Variants in CWC27 observed in about 807,000 individuals in gnomAD.
CWC27 encodes spliceosome-associated protein CWC27 homolog.
A neutral mutation model predicts 63.6 loss-of-function variants in CWC27; 47 were observed. The observed-to-expected ratio is 0.74, with a 90% CI of 0.58 to 0.94. The LOEUF (loss-of-function observed/expected upper bound fraction) is 0.94, where lower values mean the gene tolerates loss of function less well. Ranked by LOEUF, CWC27 falls within the 40% of genes least tolerant of loss-of-function variation. The pLI, the probability that CWC27 is intolerant of heterozygous loss-of-function variation, is 0.00. For synonymous variants in CWC27, 175 were observed against 179.8 expected (o/e 0.97, Z 0.22); for missense variants, 495 against 554.3 (o/e 0.89, Z 1.07).
At chr5:64,963,358 A>C (rs887946078) in intron 11 of CWC27, among the ~76,000 whole-genome samples, 1 of 152,256 alleles carries the variant, frequency 6.6e-6, no homozygotes, top group Non-Finnish European at 1.5e-5. Context: ...TGGAATATTT[A>C]GAAATAGAAA....
chr5:64,840,383 AAAAAAAAAAAAATAT>A (rs1745782868), intron 10 of CWC27, among the ~76,000 whole-genome samples: 3 of 72,072 alleles, frequency 4.2e-5, no homozygotes, highest in Non-Finnish European at 5.2e-5. Context: ...AAAAAAAAAA[AAAAAAAAAAAAATAT>A]ATATATATAT....
chr5:64,926,649 G>A (rs758900567), intron 11 of CWC27, among the ~76,000 whole-genome samples: 36 of 152,150 alleles, frequency 2.4e-4, no homozygotes, highest in Non-Finnish European at 7.4e-5. Flanking sequence ...CAGAATGTAT[G>A]TTTGTTGGTT....
At chr5:64,962,154 T>G (rs1214374402) in intron 11 of CWC27, among the ~76,000 whole-genome samples, 1 of 152,214 alleles carries the variant, frequency 6.6e-6, no homozygotes, top group Non-Finnish European at 1.5e-5. Flanking sequence ...TCAGGAGGAT[T>G]CAAGCACATG....
chr5:64,874,940 A>G (rs968910170), intron 10 of CWC27, among the ~76,000 whole-genome samples: 2 of 152,060 alleles, frequency 1.3e-5, no homozygotes, highest in African/African-American at 4.8e-5. Context: ...GGATTGTGAA[A>G]TAGACATTTG....
At chr5:64,986,181 A>G (rs1749422962) in intron 13 of CWC27, among the ~76,000 whole-genome samples, 1 of 152,170 alleles carries the variant, frequency 6.6e-6, no homozygotes, top group African/African-American at 2.4e-5. Context: ...GAACATGAAA[A>G]CATAAGTTTT....
At position 64,856,877 on chromosome 5, in the gene CWC27, T is replaced by C. The variant is rs1746270751; in HGVS notation, c.939-28566T>C. On this transcript the variant is annotated intron_variant, in intron 10 of 13. Transcript: ENST00000381070. ...TTACTATTTCGGTAAATGATCTTCATACAGTAACACTTTGTGATGGACCAG... is the reference window on the plus strand; with the variant it reads ...TTACTATTTCGGTAAATGATCTTCACACAGTAACACTTTGTGATGGACCAG... Among the ~76,000 whole-genome samples the C allele has an allele frequency of 2.6e-5, 4 of 152,212 alleles. No homozygotes were observed. The South Asian group carries it at 8.3e-4, about 31-fold the overall frequency.
chr5:64,888,086 T>C (rs1479625285), intron 11 of CWC27, among the ~76,000 whole-genome samples: 1 of 151,700 alleles, frequency 6.6e-6, no homozygotes, highest in Admixed American at 6.6e-5. Flanking sequence ...CTCAAAGAAG[T>C]GGTTGATTGC....
At chr5:64,824,381 T>C (rs1232715483) in intron 10 of CWC27, among the ~76,000 whole-genome samples, 1 of 152,230 alleles carries the variant, frequency 6.6e-6, no homozygotes, top group Non-Finnish European at 1.5e-5. Flanking sequence ...TTTTAAGATA[T>C]TGTTTTAGAA....
chr5:64,918,648 A>T (rs1747937059), intron 11 of CWC27, among the ~76,000 whole-genome samples: 1 of 152,214 alleles, frequency 6.6e-6, no homozygotes, highest in Admixed American at 6.5e-5. Context: ...ATATTATTCT[A>T]AGATACAAAA....
chr5:64,803,690 T>C (rs988600496), intron 9 of CWC27, among the ~76,000 whole-genome samples: 19 of 152,182 alleles, frequency 1.2e-4, no homozygotes, highest in African/African-American at 4.3e-4. Context: ...TGGCTAGTGT[T>C]GGTGGGCTGG....
chr5:64,865,780 C>T (rs559427465), intron 10 of CWC27, among the ~76,000 whole-genome samples: 44 of 151,954 alleles, frequency 2.9e-4, no homozygotes, highest in Non-Finnish European at 4.0e-4. Flanking sequence ...AGAAGAGTCA[C>T]GTTGGGCATA....
intron 11 of CWC27, among the ~76,000 whole-genome samples, chr5:64,896,103 A>G (rs1454570275): frequency 1.3e-5 from 2 of 152,240 alleles, no homozygotes; most frequent in East Asian, 3.8e-4. Context: ...ACATCAGAGC[A>G]TTCAACACAA....
At chr5:64,971,115 T>G (rs1422179496) in intron 11 of CWC27, among the ~76,000 whole-genome samples, 1 of 152,182 alleles carries the variant, frequency 6.6e-6, no homozygotes, top group Non-Finnish European at 1.5e-5. Flanking sequence ...AACCAAGATG[T>G]TAACTAATCT....
intron 10 of CWC27, chr5:64,807,720 T>G: frequency 6.5e-7 from 1 of 1,535,870 alleles, no homozygotes; most frequent in Non-Finnish European, 8.7e-7. Context: ...CTCCAGTGCT[T>G]CCTTATTACT....
intron 10 of CWC27, among the ~76,000 whole-genome samples, chr5:64,826,562 C>T (rs1006145433): frequency 6.6e-6 from 1 of 152,124 alleles, no homozygotes; most frequent in South Asian, 2.1e-4. Flanking sequence ...TAGAAACTTG[C>T]AAATTTCCTT....
intron 13 of CWC27, among the ~76,000 whole-genome samples, chr5:65,006,006 A>G (rs1749834986): frequency 1.3e-5 from 2 of 152,206 alleles, no homozygotes; most frequent in African/African-American, 4.8e-5. Context: ...TAGTAATGTC[A>G]TCATTCTTTA....
chr5:64,935,197 G>T (rs888559323), intron 11 of CWC27, among the ~76,000 whole-genome samples: 19 of 152,130 alleles, frequency 1.2e-4, no homozygotes, highest in African/African-American at 4.3e-4. Context: ...GTCCTGAATG[G>T]TAATGCCTAG....
intron 10 of CWC27, among the ~76,000 whole-genome samples, chr5:64,860,821 T>G (rs1416195713): frequency 2.0e-5 from 3 of 152,232 alleles, no homozygotes; most frequent in African/African-American, 7.2e-5. Flanking sequence ...TGATAAACTG[T>G]GAGTGCTCTT....
chr5:64,981,152 G>A (rs1749325963), intron 13 of CWC27, among the ~76,000 whole-genome samples: 1 of 151,972 alleles, frequency 6.6e-6, no homozygotes, highest in African/African-American at 2.4e-5. Flanking sequence ...CTCAAAAAAG[G>A]TAAATGAGAA....
Sources: allele counts gnomAD v4.1 joint callset (sites outside exome capture counted in the v4.1 genomes callset), GRCh38; gene constraint gnomAD v4.1.1; transcripts MANE v1.5; gene names NCBI Gene and HGNC (gene_info 2026-07-23, HGNC 2026-07-21).